IGF1: variants seen among roughly 807,000 people sequenced by gnomAD.
IGF1 encodes the protein insulin-like growth factor 1.
In IGF1, 4 loss-of-function variants were observed where a neutral mutation model predicts 13.8. The observed-to-expected ratio is 0.29, with a 90% confidence interval of 0.14 to 0.66. The LOEUF is 0.66. Ranked by LOEUF, IGF1 falls within the 30% of genes least tolerant of loss-of-function variation. The pLI is 0.78. For missense variants in IGF1, 124 were observed against 188.5 expected (o/e 0.66, Z 2.00); for synonymous variants, 76 against 72.6 (o/e 1.05, Z -0.23).
At chr12:102,441,221 A>C (rs1247052660) in intron 2 of IGF1, among the ~76,000 whole-genome samples, 1 of 152,216 alleles carries the variant, frequency 6.6e-6, no homozygotes, top group Non-Finnish European at 1.5e-5. Flanking sequence ...AAGTCAAGTC[A>C]ACAAAGTCAA....
At chr12:102,428,468 A>G (rs926913496) in intron 2 of IGF1, among the ~76,000 whole-genome samples, 1 of 151,932 alleles carries the variant, frequency 6.6e-6, no homozygotes, top group African/African-American at 2.4e-5. Context: ...GCCCATCCAT[A>G]TGGATTGCAG....
intron 2 of IGF1, among the ~76,000 whole-genome samples, chr12:102,441,300 T>A (rs529134284): frequency 6.6e-6 from 1 of 152,330 alleles, no homozygotes; most frequent in African/African-American, 2.4e-5. Context: ...AATGTTACAG[T>A]CATCTTTGAC....
chr12:102,447,152 G>A (rs1351008335), intron 2 of IGF1, among the ~76,000 whole-genome samples: 1 of 152,068 alleles, frequency 6.6e-6, no homozygotes, highest in Non-Finnish European at 1.5e-5. Context: ...CAATTATGTG[G>A]TCAATTTTAG....
chr12:102,428,012 A>C (rs931103385), intron 2 of IGF1, among the ~76,000 whole-genome samples: 3 of 151,892 alleles, frequency 2.0e-5, no homozygotes, highest in Non-Finnish European at 4.4e-5. Context: ...GCACAGTGCC[A>C]TATGCAGAGA....
intron 3 of IGF1, among the ~76,000 whole-genome samples, chr12:102,418,395 G>T (rs1296805239): frequency 2.6e-5 from 4 of 152,190 alleles, no homozygotes; most frequent in Non-Finnish European, 5.9e-5. Flanking sequence ...GGCTCCCTGG[G>T]GTCACATCTC....
rs746703134 is a variant in IGF1 at position 102,418,260 on chromosome 12, C to A, written c.402+1249G>T. 4.6e-5 allele frequency among the ~76,000 whole-genome samples: 7 copies of A among 152,364 alleles called. No homozygotes were observed. The East Asian group carries it at 9.6e-4, about 21-fold the overall frequency. ...AAGAATGAATCTGCCTTTGCCCCAG[C>A]AAGCACGCTTTCCTGCCACATTCAC... On this transcript the variant is annotated intron_variant, in intron 3 of 3. Coordinates refer to ENST00000337514, the MANE Select transcript of IGF1 (RefSeq NM_000618.5).
intron 2 of IGF1, among the ~76,000 whole-genome samples, chr12:102,420,776 C>T (rs1283724268): frequency 6.6e-6 from 1 of 152,162 alleles, no homozygotes; most frequent in Non-Finnish European, 1.5e-5. Flanking sequence ...CTTCTCCTCC[C>T]TTATCTCTCC....
Position 102,397,555 on chromosome 12 carries a change from A to G in IGF1, c.*4952T>C, listed in dbSNP as rs1873317089. ...AGATATCTATGTATCACTTTCTAAT[A>G]CCTAACAGGAAGGTCTTATAAAATA... On this transcript the variant is annotated 3_prime_UTR_variant, in exon 4 of 4. Coordinates refer to ENST00000337514, the MANE Select transcript of IGF1 (RefSeq NM_000618.5). The G allele has an allele frequency of 6.6e-6, 1 of 152,216 alleles. No individual in the cohort carries two copies. Among genetic ancestry groups the G allele is most frequent in the Admixed American group, 6.5e-5 (1 of 15,280 alleles). The allele number at this position is 152,216 out of a possible 1,614,324, so 9.4% of individuals were successfully genotyped here.
Position 102,396,052 on chromosome 12 carries a change from GAAT to G in IGF1, c.*6452_*6454del, listed in dbSNP as rs1177570180. Reference sequence around the variant, plus strand: ...GATATTCCTCTGCCATAAGTGAATTGAATAATAATTTCAAATACAATCAGAATT... The same window carrying G: ...GATATTCCTCTGCCATAAGTGAATTGAATAATTTCAAATACAATCAGAATT... On this transcript the variant is annotated 3_prime_UTR_variant, in exon 4 of 4. Coordinates refer to ENST00000337514, the MANE Select transcript of IGF1 (RefSeq NM_000618.5). 2.0e-5 allele frequency: 3 copies of G among 152,098 alleles called. No homozygotes were observed. The highest frequency in any genetic ancestry group is 1.3e-4 in the Admixed American group (2 of 15,266). The allele number at this position is 152,098 out of a possible 1,614,324, so 9.4% of individuals were successfully genotyped here. A position where few individuals can be genotyped will look rare whatever the true frequency, so the allele number is the denominator to read the frequency against.
chr12:102,426,853 C>G (rs1291726143), intron 2 of IGF1, among the ~76,000 whole-genome samples: 1 of 152,210 alleles, frequency 6.6e-6, no homozygotes, highest in Non-Finnish European at 1.5e-5. Context: ...TACTTCATGT[C>G]TCATCTCATT....
chr12:102,469,413 A>G (rs956313203), intron 2 of IGF1, among the ~76,000 whole-genome samples: 3 of 152,220 alleles, frequency 2.0e-5, no homozygotes, highest in African/African-American at 7.2e-5. Context: ...ATCCTACTGC[A>G]TATCCTGGTG....
At chr12:102,418,029 A>G (rs1310547884) in intron 3 of IGF1, 69 of 1,603,280 alleles carry the variant, frequency 4.3e-5, no homozygotes, top group Non-Finnish European at 5.4e-5. Context: ...AAATAATTGC[A>G]TTGAGAACAA....
At chr12:102,448,707 A>T (rs959665006) in intron 2 of IGF1, among the ~76,000 whole-genome samples, 44 of 151,554 alleles carry the variant, frequency 2.9e-4, no homozygotes, top group Non-Finnish European at 2.2e-4. Flanking sequence ...AAAAAAAAAA[A>T]AAAAAAAAAT....
Position 102,478,658 on chromosome 12 carries a change from G to A in IGF1, c.63+1661C>T, listed in dbSNP as rs1202278821. On this transcript the variant is annotated intron_variant, in intron 1 of 3. Transcript: ENST00000337514. ...GACACCCAGGCAGGTATGCTATTAT[G>A]AGCCTGGGTAAACTGCCTTTTGTCC... 9 of 1,381,390 alleles carry A rather than the reference G, an allele frequency of 6.5e-6. No individual in the cohort carries two copies. The Middle Eastern group carries it at 5.6e-4, about 86-fold the overall frequency. 85.6% of individuals were successfully genotyped at this position (1,381,390 alleles called of 1,614,324 possible). A position where few individuals can be genotyped will look rare whatever the true frequency, so the allele number is the denominator to read the frequency against.
At chr12:102,448,983 G>A (rs545758647) in intron 2 of IGF1, among the ~76,000 whole-genome samples, 16 of 152,216 alleles carry the variant, frequency 1.1e-4, no homozygotes, top group African/African-American at 2.6e-4. Flanking sequence ...TGTGGAAGAC[G>A]GTGTGGCGAT....
chr12:102,412,356 T>C (rs1195992055), intron 3 of IGF1, among the ~76,000 whole-genome samples: 1 of 152,088 alleles, frequency 6.6e-6, no homozygotes, highest in Non-Finnish European at 1.5e-5. Flanking sequence ...CCCCCAGCTC[T>C]GTAATGGGTG....
At chr12:102,475,457 A>T (rs1283299216) in intron 2 of IGF1, among the ~76,000 whole-genome samples, 186 bp downstream of exon 2, 2 of 152,074 alleles carry the variant, frequency 1.3e-5, no homozygotes, top group East Asian at 3.9e-4. Flanking sequence ...TCCATCCTAG[A>T]TCTGCAAAAC....
At chr12:102,417,209 G>C (rs1278093623) in intron 3 of IGF1, among the ~76,000 whole-genome samples, 1 of 62,676 alleles carries the variant, frequency 1.6e-5, no homozygotes, top group African/African-American at 6.8e-5. Flanking sequence ...ATTCCAAAGT[G>C]CAAAAAAGAT....
chr12:102,446,646 C>G (rs1288621884), intron 2 of IGF1, among the ~76,000 whole-genome samples: 1 of 152,074 alleles, frequency 6.6e-6, no homozygotes, highest in African/African-American at 2.4e-5. Flanking sequence ...AGCGGTCTAT[C>G]TATTTTGCTG....
Sources: gnomAD v4.1 joint callset for allele counts (sites outside exome capture counted in the v4.1 genomes callset) on GRCh38, gnomAD v4.1.1 for gene constraint, MANE v1.5 for transcripts, NCBI Gene and HGNC (gene_info 2026-07-23, HGNC 2026-07-21) for gene names.